The following KIF6 variants were observed in gnomAD, a reference collection of about 807,000 sequenced individuals.
KIF6 encodes the protein kinesin-like protein KIF6.
Under a neutral mutation model 112.7 loss-of-function variants are expected in KIF6, and 106 were observed. That is an observed-to-expected ratio of 0.94 (90% CI 0.80 to 1.11). KIF6 has a LOEUF of 1.11. KIF6 is among the 50% of genes least tolerant of loss of function. The probability of loss-of-function intolerance (pLI) is 0.00; values close to 1 mark genes in which losing one functional copy is unlikely to be tolerated. For missense variants in KIF6, 929 were observed against 964.0 expected, an observed-to-expected ratio of 0.96 and a Z score of 0.48; for synonymous variants, 339 against 339.9, an observed-to-expected ratio of 1.00 and a Z score of 0.03.
At chr6:39,671,285 G>A (rs1786803072) in intron 3 of KIF6, among the ~76,000 whole-genome samples, 1 of 152,182 alleles carries the variant, frequency 6.6e-6, no homozygotes, top group African/African-American at 2.4e-5. Context: ...TGCAATGAAT[G>A]TCCCATTTTT....
chr6:39,595,839 A>T lies in KIF6; in HGVS notation c.846+215T>A, dbSNP rs191111393. Reference sequence around the variant, plus strand: ...GGGATATTCTGTCTGATATTATAAAAGACTTTCAGAAATGGATAGTGCCAA... The same window carrying T: ...GGGATATTCTGTCTGATATTATAAATGACTTTCAGAAATGGATAGTGCCAA... On this transcript the variant is annotated intron_variant, in intron 7 of 22. Coordinates refer to ENST00000287152, the MANE Select transcript of KIF6 (RefSeq NM_145027.6). Among the ~76,000 whole-genome samples the T allele has an allele frequency of 5.7e-4, 87 of 152,296 alleles. 1 individual carries two copies. The highest frequency in any genetic ancestry group is 2.0e-3 in the Admixed American group (30 of 15,296).
intron 15 of KIF6, among the ~76,000 whole-genome samples, chr6:39,390,892 G>A (rs1277595320): frequency 6.6e-6 from 1 of 152,156 alleles, no homozygotes; most frequent in Non-Finnish European, 1.5e-5. Context: ...GATCCCTAAA[G>A]GCTGTGTGTA....
intron 16 of KIF6, among the ~76,000 whole-genome samples, chr6:39,369,268 G>C (rs1765790765): frequency 6.6e-6 from 1 of 152,130 alleles, no homozygotes; most frequent in Admixed American, 6.5e-5. Context: ...TCCTGGTGCT[G>C]ATTTTGTAAC....
chr6:39,576,985 T>C (rs1781008491), intron 10 of KIF6, among the ~76,000 whole-genome samples: 1 of 152,226 alleles, frequency 6.6e-6, no homozygotes, highest in Non-Finnish European at 1.5e-5. Context: ...TGAAGATAGT[T>C]TGAGGTTAGT....
intron 3 of KIF6, among the ~76,000 whole-genome samples, chr6:39,684,140 C>T (rs922881134): frequency 2.0e-5 from 3 of 152,134 alleles, no homozygotes; most frequent in Admixed American, 2.0e-4. Context: ...TCAGCTCTTG[C>T]CCTGCAGCAG....
At chr6:39,533,454 G>T (rs1390869330) in intron 13 of KIF6, among the ~76,000 whole-genome samples, 3 of 152,326 alleles carry the variant, frequency 2.0e-5, no homozygotes, top group Non-Finnish European at 4.4e-5. Flanking sequence ...CAGCGAGGCT[G>T]GGGGAGGGGC....
Position 39,672,339 on chromosome 6 carries a change from G to A in KIF6, c.252-32582C>T, listed in dbSNP as rs1786869372. On this transcript the variant is annotated intron_variant, in intron 3 of 22. Coordinates refer to ENST00000287152, the MANE Select transcript of KIF6 (RefSeq NM_145027.6). ...TATGGTAACATTGGTTTTGTTATAC[G>A]TTTTGCTTAAAGCCATAGTTTCCAA... Among the ~76,000 whole-genome samples, 4 of 152,218 alleles carry A rather than the reference G, an allele frequency of 2.6e-5. No homozygotes were observed. In the South Asian group the frequency reaches 8.3e-4, roughly 32 times the overall value.
intron 6 of KIF6, among the ~76,000 whole-genome samples, chr6:39,597,301 C>T (rs1782329230): frequency 6.6e-6 from 1 of 151,958 alleles, no homozygotes. Context: ...GTTGCTCCAT[C>T]AAAAAATAAA....
rs1762751683 is a variant in KIF6 at position 39,331,890 on chromosome 6, G to A, written c.*4642C>T. The stretch of plus-strand genomic sequence containing the variant: ...ACACACCCATTGCATTTTAAAAAAT[G>A]TTTCTGTCTATTTACTCTATCAACT... On this transcript the variant is annotated 3_prime_UTR_variant, in exon 23 of 23. Coordinates refer to ENST00000287152, the MANE Select transcript of KIF6 (RefSeq NM_145027.6). 6.6e-6 allele frequency: 1 copy of A among 151,586 alleles called. No homozygotes were observed. The highest frequency in any genetic ancestry group is 2.1e-4 in the South Asian group (1 of 4,808). 9.4% of individuals were successfully genotyped at this position (151,586 alleles called of 1,614,324 possible).
At chr6:39,612,158 T>C (rs1336925134) in intron 6 of KIF6, among the ~76,000 whole-genome samples, 4 of 152,192 alleles carry the variant, frequency 2.6e-5, no homozygotes, top group Non-Finnish European at 5.9e-5. Context: ...TTTGCATTGG[T>C]CTATCTTGCG....
rs1562107922 is a variant in KIF6, at chr6:39,342,610, TATTTTTTTTTATTTTTTTTTA to T, written c.2428+1078_2428+1098del. ...CTGAATCCAGTTTTTTATTTTTTTT[TATTTTTTTTTATTTTTTTTTA>T]TTTTTAGACAAGGAAACTGAGAATG... On this transcript the variant is annotated intron_variant, in intron 22 of 22. Coordinates refer to ENST00000287152, the MANE Select transcript of KIF6 (RefSeq NM_145027.6). This position sits in a 1 kb window ranked among gnomAD's most constrained non-coding sequence, Gnocchi z 4.7. Among the ~76,000 whole-genome samples the T allele has an allele frequency of 2.2e-5, 3 of 138,280 alleles. No homozygotes were observed. Among genetic ancestry groups the T allele is most frequent in the African/African-American group, 3.1e-5 (1 of 32,462 alleles). 90.7% of individuals were successfully genotyped at this position (138,280 alleles called of 152,430 possible). A position where few individuals can be genotyped will look rare whatever the true frequency, so the allele number is the denominator to read the frequency against.
chr6:39,706,161 T>G (rs927530648), intron 3 of KIF6, among the ~76,000 whole-genome samples: 2 of 152,254 alleles, frequency 1.3e-5, no homozygotes, highest in Non-Finnish European at 2.9e-5. Context: ...AATAGCTTCA[T>G]GCAACTCTTA....
chr6:39,606,760 C>T (rs1389416171), intron 6 of KIF6, among the ~76,000 whole-genome samples: 1 of 152,130 alleles, frequency 6.6e-6, no homozygotes, highest in Non-Finnish European at 1.5e-5. Flanking sequence ...TCTTTGGATC[C>T]ACCTTCTATA....
intron 5 of KIF6, among the ~76,000 whole-genome samples, chr6:39,631,027 G>A (rs894602784): frequency 1.3e-4 from 20 of 151,912 alleles, no homozygotes; most frequent in African/African-American, 4.8e-4. Flanking sequence ...ATCTCACTTG[G>A]CTGTAGTATA....
intron 2 of KIF6, among the ~76,000 whole-genome samples, chr6:39,719,006 A>G (rs1045020835): frequency 5.3e-5 from 8 of 152,168 alleles, no homozygotes; most frequent in Non-Finnish European, 8.8e-5. Context: ...TGAGACAACA[A>G]AAAAAGCAAA....
chr6:39,488,670 T>C (rs928584552), intron 13 of KIF6, among the ~76,000 whole-genome samples: 2 of 152,218 alleles, frequency 1.3e-5, no homozygotes, highest in African/African-American at 4.8e-5. Context: ...AATTGGTAAA[T>C]ATCTGCTGAA....
intron 10 of KIF6, among the ~76,000 whole-genome samples, chr6:39,561,474 C>T (rs1561811765): frequency 6.6e-6 from 1 of 151,808 alleles, no homozygotes; most frequent in Non-Finnish European, 1.5e-5. Flanking sequence ...GCCTAAGCAT[C>T]TTGAGTAGCT....
chr6:39,426,741 ACT>A (rs1232339595), intron 14 of KIF6, among the ~76,000 whole-genome samples: 1 of 151,794 alleles, frequency 6.6e-6, no homozygotes, highest in Non-Finnish European at 1.5e-5. Flanking sequence ...ACAGAGTGAG[ACT>A]CTGTCTCTTC....
chr6:39,347,478 C>T (rs67644810), intron 19 of KIF6, among the ~76,000 whole-genome samples: 2 of 152,176 alleles, frequency 1.3e-5, no homozygotes, highest in African/African-American at 2.4e-5. Context: ...GGTGAAGAGG[C>T]GCGTGGACAC....
Sources: allele counts gnomAD v4.1 joint callset (sites outside exome capture counted in the v4.1 genomes callset), GRCh38; gene constraint gnomAD v4.1.1; non-coding constraint Gnocchi (gnomAD v3.1); transcripts MANE v1.5; gene names NCBI Gene and HGNC (gene_info 2026-07-23, HGNC 2026-07-21).